Variants in PHF21B observed in about 807,000 individuals in gnomAD.
PHF21B encodes the protein PHD finger protein 4.
Under a neutral mutation model 62.2 loss-of-function variants are expected in PHF21B, and 22 were observed. The observed-to-expected ratio is 0.35, with a 90% CI of 0.25 to 0.51. PHF21B has a LOEUF of 0.51. Among genes scored for constraint, PHF21B ranks in the 20% least tolerant of loss-of-function variants. The pLI, the probability that PHF21B is intolerant of heterozygous loss-of-function variation, is 0.97. For missense variants in PHF21B, 701 were observed against 707.9 expected (o/e 0.99, Z 0.11); for synonymous variants, 341 against 314.7 (o/e 1.08, Z -0.88).
intron 2 of PHF21B, among the ~76,000 whole-genome samples, chr22:44,922,068 G>A (rs1232944280): frequency 1.3e-5 from 2 of 152,246 alleles, no homozygotes; most frequent in Non-Finnish European, 2.9e-5. Context: ...CCAGGGACCA[G>A]TGAGGTTCTC....
chr22:44,965,885 C>T (rs577194383), intron 2 of PHF21B, among the ~76,000 whole-genome samples: 17 of 152,288 alleles, frequency 1.1e-4, no homozygotes, highest in African/African-American at 3.1e-4. Context: ...TCAGGACACC[C>T]GCTACCCCAA....
chr22:44,921,003 G>C (rs182863203), intron 2 of PHF21B, among the ~76,000 whole-genome samples: 5 of 152,308 alleles, frequency 3.3e-5, no homozygotes, highest in Admixed American at 3.3e-4. Context: ...CCACATCACA[G>C]AGCATTTCTG....
intron 2 of PHF21B, among the ~76,000 whole-genome samples, chr22:44,936,068 T>C (rs1412105262): frequency 6.6e-6 from 1 of 152,232 alleles, no homozygotes; most frequent in Non-Finnish European, 1.5e-5. Context: ...GACTTAAATG[T>C]ACTAGGAGAG....
At chr22:44,983,786 G>GGATTAA (rs2147482582) in intron 2 of PHF21B, among the ~76,000 whole-genome samples, 2 of 152,168 alleles carry the variant, frequency 1.3e-5, no homozygotes, top group East Asian at 3.9e-4. Context: ...TTTACTCAGA[G>GGATTAA]GATTAAACTC....
At chr22:44,980,164 A>G (rs1015360589) in intron 2 of PHF21B, among the ~76,000 whole-genome samples, 2 of 151,640 alleles carry the variant, frequency 1.3e-5, no homozygotes, top group Non-Finnish European at 2.9e-5. Flanking sequence ...GAAGCTGTGC[A>G]ACCACCACCC....
chr22:44,896,302 A>G (rs1171827657), intron 5 of PHF21B, among the ~76,000 whole-genome samples: 1 of 152,068 alleles, frequency 6.6e-6, no homozygotes, highest in Non-Finnish European at 1.5e-5. Flanking sequence ...CTCCTTGAAA[A>G]CACTGGATAC....
rs573266866 is a variant in PHF21B at position 44,993,877 on chromosome 22, T to G, written c.120+14668A>C. Among the ~76,000 whole-genome samples, 16 of 152,324 alleles carry G rather than the reference T, an allele frequency of 1.1e-4. No homozygotes were observed. The South Asian group carries it at 3.3e-3, about 32-fold the overall frequency. On this transcript the variant is annotated intron_variant, in intron 2 of 12. Transcript: ENST00000313237. ...ACACACACAACCTAATATCAAACCT[T>G]CTGCCTGTGAAGAGCCACAAACTAG...
At chr22:45,003,868 G>C (rs2073264155) in intron 2 of PHF21B, among the ~76,000 whole-genome samples, 1 of 152,200 alleles carries the variant, frequency 6.6e-6, no homozygotes, top group African/African-American at 2.4e-5. Flanking sequence ...GAATCATTAA[G>C]TGCAACAGGC....
At chr22:44,887,207 A>G (rs535617825) in intron 10 of PHF21B, among the ~76,000 whole-genome samples, 3 of 151,504 alleles carry the variant, frequency 2.0e-5, no homozygotes, top group Admixed American at 6.6e-5. Context: ...CTATGACCAC[A>G]CAAGTCATGC....
chr22:44,920,192 C>T (rs1440423635), intron 3 of PHF21B, among the ~76,000 whole-genome samples: 1 of 152,210 alleles, frequency 6.6e-6, no homozygotes, highest in Non-Finnish European at 1.5e-5. Flanking sequence ...AAATTGATTT[C>T]CCAATTCCTT....
At chr22:44,982,369 C>A (rs959081785) in intron 2 of PHF21B, among the ~76,000 whole-genome samples, 1 of 152,222 alleles carries the variant, frequency 6.6e-6, no homozygotes, top group Non-Finnish European at 1.5e-5. Context: ...CAGGCACACC[C>A]TTGCCATCAC....
At chr22:44,981,086 G>GGTT (rs1249575873) in intron 2 of PHF21B, among the ~76,000 whole-genome samples, 1 of 152,192 alleles carries the variant, frequency 6.6e-6, no homozygotes, top group African/African-American at 2.4e-5. Context: ...AGGGCGTGGG[G>GGTT]GTTGCCGTGT....
chr22:44,936,634 A>T (rs2071853579), intron 2 of PHF21B, among the ~76,000 whole-genome samples: 1 of 152,264 alleles, frequency 6.6e-6, no homozygotes, highest in Non-Finnish European at 1.5e-5. Flanking sequence ...TTAATATTTT[A>T]AAAATGAAGT....
chr22:45,004,619 G>C (rs1322616600), intron 2 of PHF21B, among the ~76,000 whole-genome samples: 1 of 152,200 alleles, frequency 6.6e-6, no homozygotes, highest in African/African-American at 2.4e-5. Context: ...AGGAGAGTAA[G>C]CTTGGGAGGA....
chr22:44,911,744 G>A (rs540494085), intron 5 of PHF21B, among the ~76,000 whole-genome samples: 2 of 152,244 alleles, frequency 1.3e-5, no homozygotes, highest in Non-Finnish European at 2.9e-5. Context: ...CAGTGCAGAA[G>A]GGAAATGTGC....
At chr22:44,966,568 C>T (rs764898111) in intron 2 of PHF21B, among the ~76,000 whole-genome samples, 6 of 152,150 alleles carry the variant, frequency 3.9e-5, no homozygotes, top group Admixed American at 6.5e-5. Context: ...AGGTCAAGGC[C>T]AGGCAGGTGC....
intron 2 of PHF21B, among the ~76,000 whole-genome samples, chr22:44,993,391 C>T (rs955603160): frequency 2.6e-5 from 4 of 152,188 alleles, no homozygotes; most frequent in Admixed American, 1.3e-4. Context: ...GCAGCAGAGG[C>T]CTATCCACGC....
At chr22:44,984,470 G>A (rs73427797) in intron 2 of PHF21B, among the ~76,000 whole-genome samples, 1,538 of 152,272 alleles carry the variant, frequency 0.01, 26 homozygotes, top group African/African-American at 0.036. Context: ...GGACCCAGTG[G>A]TGGATTCCCC....
At position 44,942,908 on chromosome 22, in the gene PHF21B, C is replaced by T. The variant is rs576397402; in HGVS notation, c.121-22418G>A. ...CTGATTCCTGGGGGCCAGGGTGAAG[C>T]GTGTGACTCAGTGAAGAAAGGGGGA... is the stretch of plus-strand genomic sequence containing the variant. On this transcript the variant is annotated intron_variant, in intron 2 of 12. Transcript: ENST00000313237. Among the ~76,000 whole-genome samples the T allele has an allele frequency of 1.5e-3, 235 of 151,866 alleles. 2 individuals are homozygous for T. Among genetic ancestry groups the T allele is most frequent in the African/African-American group, 5.2e-3 (217 of 41,392 alleles).
Sources: allele counts gnomAD v4.1 joint callset (sites outside exome capture counted in the v4.1 genomes callset), GRCh38; gene constraint gnomAD v4.1.1; transcripts MANE v1.5; gene names NCBI Gene and HGNC (gene_info 2026-07-23, HGNC 2026-07-21).